HARBI1: variants seen among roughly 807,000 people sequenced by gnomAD.
HARBI1 encodes the protein harbinger transposase derived 1.
In HARBI1, 15 loss-of-function variants were observed where a neutral mutation model predicts 25.3. The observed-to-expected ratio is 0.59, with a 90% CI of 0.40 to 0.91. The LOEUF is 0.91. HARBI1 is among the 40% of genes least tolerant of loss of function. HARBI1 has a pLI of 0.00. For missense variants in HARBI1, 396 were observed against 445.8 expected (o/e 0.89, Z 1.01); for synonymous variants, 168 against 160.5 (o/e 1.05, Z -0.35).
intron 2 of HARBI1, among the ~76,000 whole-genome samples, chr11:46,613,260 T>C (rs993299502): frequency 1.3e-5 from 2 of 152,012 alleles, no homozygotes; most frequent in African/African-American, 4.8e-5. Flanking sequence ...GCTGAGATTA[T>C]AGGCGTGAGC....
intron 2 of HARBI1, among the ~76,000 whole-genome samples, chr11:46,606,066 A>G (rs903749115): frequency 2.0e-5 from 3 of 151,120 alleles, no homozygotes; most frequent in African/African-American, 7.3e-5. Flanking sequence ...TTGTATTTTT[A>G]GTAGAGATGG....
chr11:46,609,328 G>T (rs2045083853), intron 2 of HARBI1, among the ~76,000 whole-genome samples: 1 of 151,962 alleles, frequency 6.6e-6, no homozygotes, highest in Admixed American at 6.6e-5. Flanking sequence ...CCAAAGTGCT[G>T]GGATCACAGG....
intron 2 of HARBI1, among the ~76,000 whole-genome samples, chr11:46,614,553 T>C (rs2045303874): frequency 6.6e-6 from 1 of 151,968 alleles, no homozygotes; most frequent in African/African-American, 2.4e-5. Flanking sequence ...CTGGTCAACA[T>C]AGTGAGACTC....
chr11:46,616,767 T>G (rs2045519574), intron 1 of HARBI1: 1 of 977,262 alleles, frequency 1.0e-6, no homozygotes, highest in Non-Finnish European at 1.2e-6. Context: ...GACTTCTGGT[T>G]TCACCTGACA....
chr11:46,614,285 G>A (rs2045294821), intron 2 of HARBI1, among the ~76,000 whole-genome samples: 2 of 151,902 alleles, frequency 1.3e-5, no homozygotes, highest in African/African-American at 2.4e-5. Context: ...AAATTAGCTG[G>A]GCATAGTGGC....
intron 2 of HARBI1, among the ~76,000 whole-genome samples, chr11:46,605,596 T>C (rs2044911003): frequency 1.4e-5 from 2 of 144,740 alleles, no homozygotes; most frequent in East Asian, 2.0e-4. Flanking sequence ...CCTTTTTTTT[T>C]TTTTTTTTTT....
At chr11:46,604,638 G>A (rs989375796) in intron 2 of HARBI1, 30 of 984,630 alleles carry the variant, frequency 3.0e-5, no homozygotes, top group Non-Finnish European at 3.6e-5. Context: ...GATTTCAGGG[G>A]ATTTCATGGA....
chr11:46,616,560 G>C lies in HARBI1; in HGVS notation c.-144-179C>G, dbSNP rs1016099235. On this transcript the variant is annotated intron_variant, in intron 1 of 2. Coordinates refer to ENST00000326737, the MANE Select transcript of HARBI1 (RefSeq NM_173811.4). ...GCACGACAGGCTTGCTCTGATTCAAGGATAATGGGAATTCAATCTTTGTGG... is the reference window on the plus strand; with the variant it reads ...GCACGACAGGCTTGCTCTGATTCAACGATAATGGGAATTCAATCTTTGTGG... 3.7e-6 allele frequency: 4 copies of C among 1,078,316 alleles called. No homozygotes were observed. In the Admixed American group the frequency reaches 1.4e-4, roughly 38 times the overall value. 66.8% of individuals were successfully genotyped at this position (1,078,316 alleles called of 1,614,324 possible).
At chr11:46,616,603 A>G (rs2045498976) in intron 1 of HARBI1, 1 of 1,025,176 alleles carries the variant, frequency 9.8e-7, no homozygotes, top group Admixed American at 5.1e-5. Flanking sequence ...AATGCTTGGC[A>G]TTTCAATTGA....
rs373717082 is a variant in HARBI1 at position 46,615,743 on chromosome 11, A to G, written c.495T>C (p.Tyr165=). The G allele has an allele frequency of 9.3e-6, 15 of 1,614,026 alleles. No homozygotes were observed. The African/African-American group carries it at 1.7e-4, about 19-fold the overall frequency. The stretch of plus-strand genomic sequence containing the variant: ...AAGAATGCAGGCCTTTTCGGTTCAC[A>G]TAGGAGAGGTCTTCAGCATTTGGTG... ...IKAPNAEDLS[Y]VNRKGLHSLN... Residue 165 remains tyrosine (Y), a synonymous_variant, in exon 2 of 3, where the codon TAT becomes TAC. Coordinates refer to ENST00000326737, the MANE Select transcript of HARBI1 (RefSeq NM_173811.4).
rs767098401 is a variant in HARBI1 at position 46,616,194 on chromosome 11, T to C, written c.44A>G (p.Tyr15Cys). The C allele has an allele frequency of 6.2e-6, 10 of 1,612,710 alleles. No individual in the cohort carries two copies. The highest frequency in any genetic ancestry group is 3.3e-5 in the Admixed American group (2 of 59,990). Residue 15 changes from tyrosine (Y) to cysteine (C), a missense_variant, in exon 2 of 3, where the codon TAT becomes TGT. Physicochemically the swap from Tyr to Cys is radical, Grantham distance 194. Coordinates refer to ENST00000326737, the MANE Select transcript of HARBI1 (RefSeq NM_173811.4). ...ITVLDCDLLL[Y>C]GRGHRTLDRF... ...GTCCAATGTCCGGTGACCACGGCCA[T>C]ATAGCAAGAGGTCACAGTCAAGCAC...
upstream of HARBI1, chr11:46,617,549 C>CCCG (rs1555033348): frequency 8.4e-5 from 23 of 274,812 alleles, no homozygotes; most frequent in African/African-American, 6.1e-4. Context: ...CACCCCCCCC[C>CCCG]CCCGGCCATT....
intron 2 of HARBI1, among the ~76,000 whole-genome samples, chr11:46,614,722 C>T (rs543452745): frequency 1.0e-3 from 152 of 152,190 alleles, no homozygotes; most frequent in Admixed American, 2.8e-3. Context: ...TTACAATTAC[C>T]AGTTGTACTA....
Position 46,603,628 on chromosome 11 carries a change from T to C in HARBI1, c.952A>G (p.Met318Val). The C allele has an allele frequency of 1.9e-6, 3 of 1,614,218 alleles. No homozygotes were observed. Among genetic ancestry groups the C allele is most frequent in the Non-Finnish European group, 2.5e-6 (3 of 1,180,030 alleles). ...DVWSSPMTGPMEQPPEEEYEH... is the reference protein window; with the variant it reads ...DVWSSPMTGPVEQPPEEEYEH... ...TACTCCTCTTCCGGGGGCTGTTCCA[T>C]GGGTCCTGTCATTGGAGAGGACCAA... The change falls in exon 3 of 3, where the codon ATG becomes GTG. Residue 318 changes from methionine (M) to valine (V), a missense_variant. Met to Val is a conservative substitution (Grantham distance 21). Transcript: ENST00000326737.
chr11:46,604,181 G>A, intron 2 of HARBI1: 3 of 985,410 alleles, frequency 3.0e-6, no homozygotes, highest in Non-Finnish European at 2.4e-6. Context: ...ATGAAAGAAT[G>A]TAGGAAGGAG....
intron 2 of HARBI1, among the ~76,000 whole-genome samples, chr11:46,613,707 G>A (rs1015433023): frequency 9.2e-5 from 14 of 151,860 alleles, no homozygotes; most frequent in Admixed American, 6.6e-5. Context: ...GGTCTTGAAC[G>A]CCTGACCTCA....
chr11:46,617,549 C>T (rs533900267), upstream of HARBI1: 6 of 274,730 alleles, frequency 2.2e-5, no homozygotes, highest in African/African-American at 1.3e-4. Flanking sequence ...CACCCCCCCC[C>T]CCCGGCCATT....
chr11:46,613,139 C>T (rs2045249289), intron 2 of HARBI1, among the ~76,000 whole-genome samples: 1 of 151,748 alleles, frequency 6.6e-6, no homozygotes, highest in Non-Finnish European at 1.5e-5. Context: ...GCCACCATGT[C>T]CAGCTAAATT....
rs149210113 is a variant in HARBI1 at position 46,615,736 on chromosome 11, G to T, written c.502C>A (p.Arg168=). 22 of 1,614,116 alleles carry T rather than the reference G, an allele frequency of 1.4e-5. 1 individual carries two copies. In the Admixed American group the frequency reaches 3.5e-4, roughly 26 times the overall value. The change falls in exon 2 of 3, where the codon CGA becomes AGA. Residue 168 remains arginine, a synonymous_variant. Transcript: ENST00000326737. ...CAGTTTAAAGAATGCAGGCCTTTTC[G>T]GTTCACATAGGAGAGGTCTTCAGCA... ...PNAEDLSYVN[R]KGLHSLNCLM...
Sources: gnomAD v4.1 joint callset for allele counts (sites outside exome capture counted in the v4.1 genomes callset) on GRCh38, gnomAD v4.1.1 for gene constraint, MANE v1.5 for transcripts, NCBI Gene and HGNC (gene_info 2026-07-23, HGNC 2026-07-21) for gene names.